NALF1: variants seen among roughly 807,000 people sequenced by gnomAD.
The protein encoded by NALF1 is NALCN channel auxiliary factor 1.
NALF1 carries 3 observed loss-of-function variants against 48.4 expected under a neutral mutation model. The observed-to-expected ratio is 0.06, with a 90% confidence interval of 0.03 to 0.16. The LOEUF (loss-of-function observed/expected upper bound fraction) is 0.16, where lower values mean the gene tolerates loss of function less well. NALF1 is among the 10% of genes least tolerant of loss of function. The pLI is 1.00. For missense variants in NALF1, 526 were observed against 571.5 expected (o/e 0.92, Z 0.81); for synonymous variants, 262 against 245.7 (o/e 1.07, Z -0.62).
At chr13:107,794,708 C>G (rs924374403) in intron 1 of NALF1, among the ~76,000 whole-genome samples, 7 of 150,412 alleles carry the variant, frequency 4.7e-5, no homozygotes, top group African/African-American at 1.5e-4. Context: ...AATGGCAACT[C>G]TATTACAGGA....
intron 1 of NALF1, among the ~76,000 whole-genome samples, chr13:107,808,490 G>A (rs1878878364): frequency 6.6e-6 from 1 of 151,908 alleles, no homozygotes; most frequent in Non-Finnish European, 1.5e-5. Context: ...TGCACAACAG[G>A]GTAATCTTAA....
intron 1 of NALF1, among the ~76,000 whole-genome samples, chr13:107,419,585 G>A (rs1303558646): frequency 1.3e-5 from 2 of 152,100 alleles, no homozygotes; most frequent in African/African-American, 4.8e-5. Context: ...GTCCCCATTG[G>A]GAGATTGAAC....
chr13:107,335,375 G>A (rs1882537289), intron 1 of NALF1, among the ~76,000 whole-genome samples: 1 of 152,110 alleles, frequency 6.6e-6, no homozygotes, highest in Admixed American at 6.6e-5. Context: ...TATCTGTACT[G>A]CAAATAAAAC....
chr13:107,698,543 A>T (rs1881746287), intron 1 of NALF1, among the ~76,000 whole-genome samples: 1 of 152,036 alleles, frequency 6.6e-6, no homozygotes, highest in African/African-American at 2.4e-5. Flanking sequence ...TTATATATAG[A>T]TTTACATGTA....
chr13:107,670,327 C>A (rs1294450391), intron 1 of NALF1, among the ~76,000 whole-genome samples: 2 of 152,068 alleles, frequency 1.3e-5, no homozygotes, highest in African/African-American at 4.8e-5. Flanking sequence ...CAGGCACACA[C>A]ATACAAGAAC....
chr13:107,526,496 T>C (rs764536516), intron 1 of NALF1, among the ~76,000 whole-genome samples: 37 of 146,532 alleles, frequency 2.5e-4, no homozygotes, highest in Non-Finnish European at 5.0e-4. Flanking sequence ...ATTCATCTCA[T>C]CCATTATTTT....
At chr13:107,383,059 G>T (rs957436858) in intron 1 of NALF1, among the ~76,000 whole-genome samples, 1 of 152,020 alleles carries the variant, frequency 6.6e-6, no homozygotes, top group Non-Finnish European at 1.5e-5. Context: ...ATTTCCTAGG[G>T]GTTTAAATAC....
rs190424639 is a variant in NALF1 at position 107,483,823 on chromosome 13, A to C, written c.916-273068T>G. ...TTAAATATAAATTAATATAACATTA[A>C]ATTTTAAATTAATAGCATTAAATAT... On this transcript the variant is annotated intron_variant, in intron 1 of 2. Coordinates refer to ENST00000375915, the MANE Select transcript of NALF1 (RefSeq NM_001080396.3). Among the ~76,000 whole-genome samples the C allele has an allele frequency of 6.6e-5, 10 of 152,110 alleles. No individual in the cohort carries two copies. In the East Asian group the frequency reaches 1.9e-3, roughly 29 times the overall value.
At chr13:107,743,143 C>A (rs1233576887) in intron 1 of NALF1, among the ~76,000 whole-genome samples, 6 of 152,224 alleles carry the variant, frequency 3.9e-5, no homozygotes, top group Non-Finnish European at 8.8e-5. Flanking sequence ...ATCCCAACTT[C>A]TTCCCTAGCT....
intron 1 of NALF1, among the ~76,000 whole-genome samples, chr13:107,728,522 G>C (rs1002548850): frequency 7.9e-5 from 12 of 152,006 alleles, no homozygotes; most frequent in African/African-American, 2.9e-4. Flanking sequence ...CCACACACCG[G>C]GGTCTGTCAG....
chr13:107,608,694 T>G (rs370710122), intron 1 of NALF1, among the ~76,000 whole-genome samples: 1 of 151,948 alleles, frequency 6.6e-6, no homozygotes, highest in East Asian at 1.9e-4. Flanking sequence ...AACTTGAAAA[T>G]TGAAGAGAAA....
chr13:107,177,321 A>T (rs2138770259), intron 2 of NALF1, among the ~76,000 whole-genome samples: 1 of 152,340 alleles, frequency 6.6e-6, no homozygotes, highest in Non-Finnish European at 1.5e-5. Context: ...TGCAATCCCT[A>T]TAAAAAAATT....
chr13:107,417,558 C>A (rs1884111712), intron 1 of NALF1, among the ~76,000 whole-genome samples: 1 of 152,042 alleles, frequency 6.6e-6, no homozygotes, highest in Non-Finnish European at 1.5e-5. Flanking sequence ...TCTTCCTGGC[C>A]TAGATGTAGA....
At chr13:107,285,554 T>C (rs1420637598) in intron 1 of NALF1, among the ~76,000 whole-genome samples, 1 of 152,194 alleles carries the variant, frequency 6.6e-6, no homozygotes, top group Non-Finnish European at 1.5e-5. Context: ...TCAAGTCAAA[T>C]GGAACTGAAA....
At chr13:107,206,755 G>C (rs566239116) in intron 2 of NALF1, among the ~76,000 whole-genome samples, 2 of 152,184 alleles carry the variant, frequency 1.3e-5, no homozygotes, top group Non-Finnish European at 2.9e-5. Flanking sequence ...TGTCACTAAG[G>C]AGAAGCACCT....
chr13:107,353,009 G>A (rs1882903304), intron 1 of NALF1, among the ~76,000 whole-genome samples: 1 of 151,948 alleles, frequency 6.6e-6, no homozygotes, highest in African/African-American at 2.4e-5. Context: ...ACTTCCTGGG[G>A]AACTTACCTG....
At chr13:107,664,688 C>T (rs1880811831) in intron 1 of NALF1, among the ~76,000 whole-genome samples, 1 of 152,186 alleles carries the variant, frequency 6.6e-6, no homozygotes, top group Admixed American at 6.5e-5. Flanking sequence ...GGAAATGTTT[C>T]TCTTCAATGC....
chr13:107,520,611 C>A (rs984710865), intron 1 of NALF1, among the ~76,000 whole-genome samples: 3 of 152,188 alleles, frequency 2.0e-5, no homozygotes, highest in African/African-American at 7.2e-5. Flanking sequence ...CATTCAATTC[C>A]TCATGCATGA....
intron 1 of NALF1, among the ~76,000 whole-genome samples, chr13:107,343,862 A>T (rs1438811507): frequency 6.6e-6 from 1 of 152,152 alleles, no homozygotes; most frequent in Non-Finnish European, 1.5e-5. Flanking sequence ...ATTAGACCAG[A>T]AATCAACAAA....
Sources: allele counts gnomAD v4.1 joint callset (sites outside exome capture counted in the v4.1 genomes callset), GRCh38; gene constraint gnomAD v4.1.1; transcripts MANE v1.5; gene names NCBI Gene and HGNC (gene_info 2026-07-23, HGNC 2026-07-21).